COP1: variants seen among roughly 807,000 people sequenced by gnomAD.
COP1 encodes COP1 E3 ubiquitin ligase.
A neutral mutation model predicts 101.3 loss-of-function variants in COP1; 24 were observed. That is an observed-to-expected ratio of 0.24 (90% CI 0.17 to 0.33). The LOEUF (loss-of-function observed/expected upper bound fraction) is 0.33, where lower values mean the gene tolerates loss of function less well. COP1 is among the 10% of genes least tolerant of loss of function. The pLI is 1.00. For synonymous variants in COP1, 347 were observed against 341.9 expected, an observed-to-expected ratio of 1.01 and a Z score of -0.17; for missense variants, 663 against 906.2, an observed-to-expected ratio of 0.73 and a Z score of 3.45.
chr1:176,050,673 G>C (rs1672388087), intron 11 of COP1, among the ~76,000 whole-genome samples: 1 of 152,164 alleles, frequency 6.6e-6, no homozygotes, highest in Non-Finnish European at 1.5e-5. Context: ...AAGAATTGAT[G>C]TTACTCAACT....
intron 14 of COP1, among the ~76,000 whole-genome samples, chr1:176,031,991 T>G (rs747739582): frequency 6.6e-6 from 1 of 152,230 alleles, no homozygotes; most frequent in African/African-American, 2.4e-5. Flanking sequence ...TTTATGTTTC[T>G]GAGTTTCTCT....
At chr1:176,007,527 G>A (rs1412635829) in intron 15 of COP1, among the ~76,000 whole-genome samples, 1 of 150,534 alleles carries the variant, frequency 6.6e-6, no homozygotes, top group Admixed American at 6.6e-5. Context: ...TTTTTGGTGT[G>A]GATGTCCTTT....
chr1:176,094,017 G>A lies in COP1; in HGVS notation c.1027-8127C>T, dbSNP rs987618502. On this transcript the variant is annotated intron_variant, in intron 9 of 19. Coordinates refer to ENST00000367669, the MANE Select transcript of COP1 (RefSeq NM_022457.7). The stretch of plus-strand genomic sequence containing the variant: ...CAGCCTGGAGGCAGAGTGAGACTCT[G>A]TCTCAAAAAAAAAAGGAAAAAAAAA... 3.3e-5 allele frequency among the ~76,000 whole-genome samples: 3 copies of A among 89,764 alleles called. No individual in the cohort carries two copies. In the South Asian group the frequency reaches 1.2e-3, roughly 37 times the overall value. The allele number at this position is 89,764 out of a possible 152,430, so 58.9% of individuals were successfully genotyped here.
At chr1:176,084,112 G>T (rs1379893560) in intron 10 of COP1, among the ~76,000 whole-genome samples, 3 of 151,916 alleles carry the variant, frequency 2.0e-5, no homozygotes, top group African/African-American at 7.3e-5. Context: ...TTAAAGGTCT[G>T]CCACTTGCCT....
intron 8 of COP1, among the ~76,000 whole-genome samples, chr1:176,119,082 G>T (rs1224437063): frequency 6.6e-6 from 1 of 152,174 alleles, no homozygotes; most frequent in African/African-American, 2.4e-5. Flanking sequence ...TTCTTGTCAT[G>T]AGTTTATTCT....
chr1:176,175,659 T>C (rs992189075), intron 3 of COP1, among the ~76,000 whole-genome samples: 5 of 152,302 alleles, frequency 3.3e-5, no homozygotes, highest in Non-Finnish European at 7.3e-5. Context: ...CTGGTACCAG[T>C]CCATGGCCCA....
intron 18 of COP1, among the ~76,000 whole-genome samples, chr1:175,953,162 T>C (rs910813849): frequency 3.3e-5 from 5 of 152,078 alleles, no homozygotes; most frequent in African/African-American, 1.2e-4. Context: ...TAAAGTGGTA[T>C]CATATAATCT....
At position 176,207,254 on chromosome 1, in the gene COP1, G is replaced by A; in HGVS notation, c.-276C>T. 2.5e-6 allele frequency: 1 copy of A among 394,554 alleles called. No homozygotes were observed. The highest frequency in any genetic ancestry group is 4.5e-6 in the Non-Finnish European group (1 of 223,572). The allele number at this position is 394,554 out of a possible 1,614,324, so 24.4% of individuals were successfully genotyped here. The stretch of plus-strand genomic sequence containing the variant: ...GGTCCCTGTAGCAGCCAACCCCGGC[G>A]CGCCGTGGCCGGCCGTGCGCGCGCG... On this transcript the variant is annotated 5_prime_UTR_variant, in exon 1 of 20. Transcript: ENST00000367669.
intron 8 of COP1, among the ~76,000 whole-genome samples, chr1:176,120,837 A>C (rs1686998223): frequency 6.6e-6 from 1 of 152,232 alleles, no homozygotes; most frequent in Non-Finnish European, 1.5e-5. Context: ...CTAGCCTTTT[A>C]TATTGAAAAA....
At chr1:175,994,993 A>C (rs1023213009) in intron 15 of COP1, among the ~76,000 whole-genome samples, 11 of 152,320 alleles carry the variant, frequency 7.2e-5, no homozygotes, top group African/African-American at 2.6e-4. Context: ...ACATAGTTGG[A>C]AGTAAAGCTC....
chr1:176,063,075 C>T (rs913451798), intron 11 of COP1, among the ~76,000 whole-genome samples: 15 of 76,552 alleles, frequency 2.0e-4, no homozygotes, highest in Admixed American at 6.6e-4. Flanking sequence ...TTTTTTGAGA[C>T]GGAGTCTCGC....
At chr1:176,003,905 G>C (rs1662421697) in intron 15 of COP1, among the ~76,000 whole-genome samples, 1 of 152,138 alleles carries the variant, frequency 6.6e-6, no homozygotes, top group African/African-American at 2.4e-5. Context: ...TTGGTAGCTT[G>C]ATGGGGATGG....
intron 3 of COP1, among the ~76,000 whole-genome samples, chr1:176,167,831 C>A (rs1365318922): frequency 6.6e-6 from 1 of 152,094 alleles, no homozygotes; most frequent in Non-Finnish European, 1.5e-5. Flanking sequence ...CCTTAGTTTC[C>A]TCACCTAAGG....
At chr1:176,045,270 C>T (rs1671312187) in intron 12 of COP1, among the ~76,000 whole-genome samples, 1 of 152,046 alleles carries the variant, frequency 6.6e-6, no homozygotes, top group Non-Finnish European at 1.5e-5. Context: ...ATGTTATATC[C>T]TCTTCACTTA....
intron 2 of COP1, among the ~76,000 whole-genome samples, chr1:176,177,359 AAAG>A (rs1304002079): frequency 6.6e-6 from 1 of 151,670 alleles, no homozygotes; most frequent in Non-Finnish European, 1.5e-5. Context: ...TAAAAAAAAA[AAAG>A]AAAAAAGAAA....
At chr1:176,028,760 A>T (rs192394577) in intron 14 of COP1, among the ~76,000 whole-genome samples, 175 of 111,006 alleles carry the variant, frequency 1.6e-3, no homozygotes, top group African/African-American at 5.6e-3. Flanking sequence ...TATTATTATT[A>T]TTATTTTTGA....
Position 176,043,229 on chromosome 1 carries a change from C to T in COP1, c.1569G>A (p.Leu523=), listed in dbSNP as rs779495020. 7 of 1,613,132 alleles carry T rather than the reference C, an allele frequency of 4.3e-6. No individual in the cohort carries two copies. The East Asian group carries it at 1.6e-4, about 36-fold the overall frequency. ...CTGAAGCCAAGAGTTTAGGATCCAT[C>T]AAATTAAAGTCAACACTCCAACACC... ...EKRCWSVDFN[L]MDPKLLASGS... is the part of the protein sequence containing the mutation. Residue 523 remains leucine (L), a synonymous_variant, in exon 14 of 20, where the codon TTG becomes TTA. Transcript: ENST00000367669.
At chr1:176,091,411 T>C (rs1255733721) in intron 9 of COP1, among the ~76,000 whole-genome samples, 2 of 150,180 alleles carry the variant, frequency 1.3e-5, no homozygotes, top group African/African-American at 4.9e-5. Flanking sequence ...TGACACCAAC[T>C]GGAAGATCTG....
At chr1:176,073,620 G>A (rs1677402502) in intron 11 of COP1, among the ~76,000 whole-genome samples, 1 of 152,122 alleles carries the variant, frequency 6.6e-6, no homozygotes, top group East Asian at 1.9e-4. Flanking sequence ...CCTTGCCATT[G>A]CTAACCTAGG....
Sources: gnomAD v4.1 joint callset for allele counts (sites outside exome capture counted in the v4.1 genomes callset) on GRCh38, gnomAD v4.1.1 for gene constraint, MANE v1.5 for transcripts, NCBI Gene and HGNC (gene_info 2026-07-23, HGNC 2026-07-21) for gene names.